SLC1A6: variants seen among roughly 807,000 people sequenced by gnomAD.
The protein encoded by SLC1A6 is excitatory amino acid transporter 4.
SLC1A6 carries 15 observed loss-of-function variants against 42.1 expected under a neutral mutation model. The observed-to-expected ratio is 0.36, with a 90% confidence interval of 0.24 to 0.55. The LOEUF (loss-of-function observed/expected upper bound fraction) is 0.55. SLC1A6 is among the 20% of genes least tolerant of loss of function. SLC1A6 has a pLI of 0.88. For missense variants in SLC1A6, 542 were observed against 772.5 expected (o/e 0.70, Z 3.54); for synonymous variants, 317 against 319.7 (o/e 0.99, Z 0.09).
At chr19:14,997,326 C>T (rs1016882106) in intron 1 of SLC1A6, among the ~76,000 whole-genome samples, 1 of 152,114 alleles carries the variant, frequency 6.6e-6, no homozygotes, top group Non-Finnish European at 1.5e-5. Context: ...ACTGATGTCT[C>T]GTGTCTCTCT....
upstream of SLC1A6, among the ~76,000 whole-genome samples, chr19:14,982,232 A>G (rs1364809533): frequency 6.6e-6 from 1 of 152,224 alleles, no homozygotes; most frequent in Non-Finnish European, 1.5e-5. Context: ...TTCGCTAATA[A>G]TAATGTATCC....
At chr19:14,954,461 C>T (rs1471191846) in intron 7 of SLC1A6, 132 bp from the exon 8 acceptor site, 3 of 777,316 alleles carry the variant, frequency 3.9e-6, no homozygotes, top group Non-Finnish European at 6.4e-6. Flanking sequence ...CAGGGCGTGA[C>T]CTAGTGGGGT....
At chr19:14,969,601 C>T (rs1023348710) in intron 3 of SLC1A6, among the ~76,000 whole-genome samples, 9 of 152,322 alleles carry the variant, frequency 5.9e-5, no homozygotes, top group African/African-American at 1.4e-4. Context: ...CACTTCCTTG[C>T]GAGTTTCTCT....
intron 9 of SLC1A6, 150 bp from the exon 10 acceptor site, chr19:14,950,540 C>A: frequency 2.0e-6 from 1 of 495,132 alleles, no homozygotes; most frequent in Non-Finnish European, 3.6e-6. Context: ...GCAGGTTCTT[C>A]CCCCTCTCTG....
chr19:14,950,129 G>T lies in SLC1A6; in HGVS notation c.*66C>A. The T allele has an allele frequency of 8.3e-7, 1 of 1,208,432 alleles. No individual in the cohort carries two copies. The highest frequency in any genetic ancestry group is 2.6e-5 in the East Asian group (1 of 37,824). The allele number at this position is 1,208,432 out of a possible 1,614,324, so 74.9% of individuals were successfully genotyped here. On this transcript the variant is annotated 3_prime_UTR_variant, in exon 10 of 10. Transcript: ENST00000594383. ...GCCCACGGTCAGTTGGGCAACAGAT[G>T]TGTCACCAGGACTCCCCTCCCCAGC...
At position 14,972,766 on chromosome 19, in the gene SLC1A6, C is replaced by G; in HGVS notation, c.145G>C (p.Val49Leu). The change falls in exon 2 of 10, where the codon GTG (valine) becomes CTG (leucine). Residue 49 changes from valine (V) to leucine (L), a missense_variant. Val to Leu is a conservative substitution (Grantham distance 32). Coordinates refer to ENST00000594383, the MANE Select transcript of SLC1A6 (RefSeq NM_005071.3). ...LRLQTMTLEHVLRFLRRNAFI... is the reference protein window; with the variant it reads ...LRLQTMTLEHLLRFLRRNAFI... ...GCGTTTCGGCGCAGGAAGCGCAGCA[C>G]GTGCTCGAGGGTCATGGTCTGCAGG... is the stretch of plus-strand genomic sequence containing the variant. 1 of 1,613,992 alleles carries G rather than the reference C, an allele frequency of 6.2e-7. No individual in the cohort carries two copies. Among genetic ancestry groups the G allele is most frequent in the South Asian group, 1.1e-5 (1 of 91,072 alleles).
chr19:14,996,567 C>CTTCTTCTTCTTCTTCTTCTTA (rs1214405552), intron 1 of SLC1A6, among the ~76,000 whole-genome samples: 16 of 150,480 alleles, frequency 1.1e-4, no homozygotes, highest in Non-Finnish European at 1.9e-4. Context: ...TCTTGTTCTT[C>CTTCTTCTTCTTCTTCTTCTTA]TTCCTCTTCT....
At chr19:14,988,175 A>C (rs562849778) in intron 1 of SLC1A6, among the ~76,000 whole-genome samples, 3 of 152,222 alleles carry the variant, frequency 2.0e-5, no homozygotes, top group Admixed American at 6.5e-5. Context: ...AAGGGAAAGG[A>C]ATGTGTTTAT....
At chr19:15,007,457 G>A (rs2045901186) in intron 1 of SLC1A6, among the ~76,000 whole-genome samples, 1 of 152,082 alleles carries the variant, frequency 6.6e-6, no homozygotes, top group Admixed American at 6.6e-5. Context: ...TCTAGAATTC[G>A]ATACAAGTGG....
intron 1 of SLC1A6, among the ~76,000 whole-genome samples, chr19:14,995,724 G>C (rs560732145): frequency 6.6e-6 from 1 of 152,172 alleles, no homozygotes. Flanking sequence ...TATATTAAAA[G>C]TCCAGATCCC....
upstream of SLC1A6, chr19:14,980,385 C>T (rs1234910147): frequency 6.6e-6 from 1 of 152,212 alleles, no homozygotes; most frequent in Non-Finnish European, 1.5e-5. Flanking sequence ...AGGCAAGGTG[C>T]ACTCGACTTT....
At chr19:15,007,115 A>G (rs10425006) in intron 1 of SLC1A6, among the ~76,000 whole-genome samples, 51,751 of 151,816 alleles carry the variant, frequency 0.34, 9,417 homozygotes, top group East Asian at 0.54. Context: ...TGCCCTCATG[A>G]AGCTCACAAG....
In SLC1A6 at chr19:14,972,851, C is replaced by A; in HGVS notation, c.60G>T (p.Val20=). ...TTTCCTGCAGCCGCTGCAGCCAGCC[C>A]ACCCGGCCCAGCCGCTGGCCGCTCT... is the stretch of plus-strand genomic sequence containing the variant. ...LRESGQRLGR[V]GWLQRLQESL... is the part of the protein sequence containing the mutation. Residue 20 remains valine, a synonymous_variant, in exon 2 of 10, where the codon GTG becomes GTT. Coordinates refer to ENST00000594383, the MANE Select transcript of SLC1A6 (RefSeq NM_005071.3). 1.2e-6 allele frequency: 2 copies of A among 1,603,570 alleles called. No homozygotes were observed. The highest frequency in any genetic ancestry group is 1.7e-6 in the Non-Finnish European group (2 of 1,176,230).
chr19:15,008,045 C>CCA (rs2045905055), intron 1 of SLC1A6, among the ~76,000 whole-genome samples: 1 of 145,796 alleles, frequency 6.9e-6, no homozygotes, highest in African/African-American at 2.5e-5. Context: ...AAAAAACCAA[C>CCA]CACACACACA....
intron 1 of SLC1A6, among the ~76,000 whole-genome samples, chr19:14,991,288 A>G (rs1367858506): frequency 1.3e-5 from 2 of 152,064 alleles, no homozygotes; most frequent in Non-Finnish European, 2.9e-5. Flanking sequence ...CTGGACCTAG[A>G]TAGAGGTGAT....
intron 1 of SLC1A6, among the ~76,000 whole-genome samples, chr19:14,989,566 T>G (rs1181150761): frequency 6.6e-5 from 7 of 105,904 alleles, no homozygotes; most frequent in Admixed American, 5.7e-4. Context: ...GGCCAAAAAT[T>G]TTTTTTAAAG....
chr19:14,961,974 C>T, intron 6 of SLC1A6, 28 bp downstream of exon 6: 3 of 1,577,638 alleles, frequency 1.9e-6, no homozygotes, highest in Non-Finnish European at 2.6e-6. Flanking sequence ...CTGGCTCCAC[C>T]ATCCCGTGGG....
intron 1 of SLC1A6, among the ~76,000 whole-genome samples, chr19:14,993,203 A>G (rs573211447): frequency 2.0e-5 from 3 of 152,336 alleles, no homozygotes; most frequent in South Asian, 2.1e-4. Context: ...TTCAGTCTGC[A>G]CTTATATTTA....
At chr19:14,995,791 A>G (rs1295266620) in intron 1 of SLC1A6, among the ~76,000 whole-genome samples, 2 of 152,218 alleles carry the variant, frequency 1.3e-5, no homozygotes, top group African/African-American at 2.4e-5. Flanking sequence ...TGACATTAAA[A>G]AAGTAAAGTA....
Sources: gnomAD v4.1 joint callset for allele counts (sites outside exome capture counted in the v4.1 genomes callset) on GRCh38, gnomAD v4.1.1 for gene constraint, MANE v1.5 for transcripts, NCBI Gene and HGNC (gene_info 2026-07-23, HGNC 2026-07-21) for gene names.